The following SLC9A9 variants were observed in gnomAD, a reference collection of about 807,000 sequenced individuals.
SLC9A9 encodes the protein solute carrier family 9 member A9.
In SLC9A9, 62 loss-of-function variants were observed where a neutral mutation model predicts 77.8. The ratio of observed to expected loss-of-function variants is 0.80; its 90% CI spans 0.65 to 0.98. The LOEUF (loss-of-function observed/expected upper bound fraction) is 0.98. Among genes scored for constraint, SLC9A9 ranks in the 50% least tolerant of loss-of-function variants. The pLI is 0.00. For synonymous variants in SLC9A9, 320 were observed against 283.5 expected (o/e 1.13, Z -1.29); for missense variants, 775 against 774.9 (o/e 1.00, Z 0.00).
chr3:143,488,108 A>C (rs535843753), intron 11 of SLC9A9, among the ~76,000 whole-genome samples: 1 of 151,980 alleles, frequency 6.6e-6, no homozygotes, highest in Non-Finnish European at 1.5e-5. Flanking sequence ...CAAGAATAAG[A>C]GAGCACTATG....
chr3:143,730,479 C>T (rs1452777931), intron 4 of SLC9A9, among the ~76,000 whole-genome samples: 5 of 152,186 alleles, frequency 3.3e-5, no homozygotes, highest in Non-Finnish European at 7.3e-5. Context: ...TTCCACAGTT[C>T]CTACTGCCTA....
At chr3:143,455,915 C>A (rs1350449303) in intron 12 of SLC9A9, among the ~76,000 whole-genome samples, 32 of 151,590 alleles carry the variant, frequency 2.1e-4, no homozygotes, top group Admixed American at 2.1e-3. Context: ...TGTTTTATTG[C>A]ACTGGCTAAG....
chr3:143,280,542 A>ATTTTT (rs58879877), intron 14 of SLC9A9, among the ~76,000 whole-genome samples: 4 of 118,164 alleles, frequency 3.4e-5, no homozygotes, highest in Non-Finnish European at 7.0e-5. Context: ...CTAGAACTAC[A>ATTTTT]TTTTTTTTTT....
rs11312794 is a variant in SLC9A9, at chr3:143,268,732, CAAAAAAAAA to C, written c.1710+134_1710+142del. Reference sequence around the variant, plus strand: ...TGGGCAACAGAGCAAGACTCCGTCTCAAAAAAAAAAAAAAAAAAAAAAAAAGCTTCCTCC... The same window carrying C: ...TGGGCAACAGAGCAAGACTCCGTCTCAAAAAAAAAAAAAAAAGCTTCCTCC... On this transcript the variant is annotated intron_variant, in intron 15 of 15. Transcript: ENST00000316549. 6.7e-3 allele frequency: 1,592 copies of C among 236,850 alleles called. 5 individuals are homozygous for C. The highest frequency in any genetic ancestry group is 7.9e-3 in the Non-Finnish European group (1,058 of 133,156). 14.7% of individuals were successfully genotyped at this position (236,850 alleles called of 1,614,324 possible).
chr3:143,600,000 T>A (rs1354439781), intron 6 of SLC9A9, among the ~76,000 whole-genome samples: 1 of 152,172 alleles, frequency 6.6e-6, no homozygotes, highest in East Asian at 1.9e-4. Flanking sequence ...TGCTTCCAGA[T>A]GTTTTGCTAC....
At chr3:143,718,663 G>A (rs1934417129) in intron 4 of SLC9A9, among the ~76,000 whole-genome samples, 1 of 152,146 alleles carries the variant, frequency 6.6e-6, no homozygotes, top group South Asian at 2.1e-4. Context: ...GCCCTTCATA[G>A]CACCTCCCAC....
At chr3:143,270,172 T>C (rs1311153696) in intron 14 of SLC9A9, among the ~76,000 whole-genome samples, 1 of 152,240 alleles carries the variant, frequency 6.6e-6, no homozygotes, top group African/African-American at 2.4e-5. Context: ...TGGGCAGCTG[T>C]TGTGCCCAGT....
At position 143,772,406 on chromosome 3, in the gene SLC9A9, G is replaced by C. The variant is rs370806350; in HGVS notation, c.533+22595C>G. Among the ~76,000 whole-genome samples the C allele has an allele frequency of 2.0e-5, 3 of 152,084 alleles. No individual in the cohort carries two copies. The East Asian group carries it at 5.8e-4, about 29-fold the overall frequency. On this transcript the variant is annotated intron_variant, in intron 4 of 15. Coordinates refer to ENST00000316549, the MANE Select transcript of SLC9A9 (RefSeq NM_173653.4). ...GTTACAGAAAAAAGTAAAAAAATTT[G>C]TTCTAGTACACTCAGGCTTGAGGAT...
At chr3:143,836,278 G>T (rs551511011) in intron 1 of SLC9A9, among the ~76,000 whole-genome samples, 1 of 152,184 alleles carries the variant, frequency 6.6e-6, no homozygotes, top group Non-Finnish European at 1.5e-5. Flanking sequence ...CTTCTTTACA[G>T]ATCTTGGCTT....
chr3:143,532,102 A>C (rs1475155920), intron 9 of SLC9A9, among the ~76,000 whole-genome samples: 1 of 152,246 alleles, frequency 6.6e-6, no homozygotes, highest in Non-Finnish European at 1.5e-5. Flanking sequence ...CATTATTTTA[A>C]AATAAATTAC....
At chr3:143,755,768 T>C (rs1269985681) in intron 4 of SLC9A9, among the ~76,000 whole-genome samples, 3 of 152,130 alleles carry the variant, frequency 2.0e-5, no homozygotes, top group African/African-American at 7.2e-5. Context: ...ATGATATATA[T>C]AAATGCCAAA....
chr3:143,666,398 G>A (rs2039069535), intron 5 of SLC9A9, among the ~76,000 whole-genome samples: 1 of 152,092 alleles, frequency 6.6e-6, no homozygotes, highest in African/African-American at 2.4e-5. Context: ...GGCAAAAACT[G>A]GAAGCATTCC....
chr3:143,313,531 C>A (rs2031094997), intron 14 of SLC9A9, among the ~76,000 whole-genome samples: 1 of 152,196 alleles, frequency 6.6e-6, no homozygotes, highest in Non-Finnish European at 1.5e-5. Context: ...CACCTCCTGA[C>A]AGCCTTTTTG....
At chr3:143,818,532 C>T (rs1013932761) in intron 2 of SLC9A9, among the ~76,000 whole-genome samples, 1 of 151,956 alleles carries the variant, frequency 6.6e-6, no homozygotes, top group African/African-American at 2.4e-5. Context: ...GTCATGAACT[C>T]CTGACCTCAA....
intron 5 of SLC9A9, among the ~76,000 whole-genome samples, chr3:143,678,272 T>C (rs1443593311): frequency 6.6e-6 from 1 of 152,226 alleles, no homozygotes; most frequent in Non-Finnish European, 1.5e-5. Flanking sequence ...ATTGACTGTT[T>C]ATGGTGTCTT....
At chr3:143,493,364 T>A (rs1057373493) in intron 11 of SLC9A9, among the ~76,000 whole-genome samples, 2 of 152,094 alleles carry the variant, frequency 1.3e-5, no homozygotes, top group Non-Finnish European at 2.9e-5. Context: ...GTATGAAAAA[T>A]TGATCTGAAA....
At chr3:143,742,555 CAA>C (rs995858798) in intron 4 of SLC9A9, among the ~76,000 whole-genome samples, 26 of 152,210 alleles carry the variant, frequency 1.7e-4, no homozygotes, top group African/African-American at 4.6e-4. Context: ...TAAAAGTTAT[CAA>C]AGTTATCAAA....
chr3:143,626,163 T>C (rs1218500892), intron 6 of SLC9A9, among the ~76,000 whole-genome samples: 1 of 152,224 alleles, frequency 6.6e-6, no homozygotes, highest in Admixed American at 6.5e-5. Flanking sequence ...TTTATGCTGT[T>C]GGTGGGACTG....
At chr3:143,559,665 T>C (rs921071694) in intron 8 of SLC9A9, among the ~76,000 whole-genome samples, 1 of 152,222 alleles carries the variant, frequency 6.6e-6, no homozygotes, top group African/African-American at 2.4e-5. Flanking sequence ...GATAAGCTTA[T>C]AGGCTTTCAA....
Sources: gnomAD v4.1 joint callset for allele counts (sites outside exome capture counted in the v4.1 genomes callset) on GRCh38, gnomAD v4.1.1 for gene constraint, MANE v1.5 for transcripts, NCBI Gene and HGNC (gene_info 2026-07-23, HGNC 2026-07-21) for gene names.